WDFY4: variants seen among roughly 807,000 people sequenced by gnomAD.
WDFY4 encodes the protein WDFY family member 4, also known as WD repeat- and FYVE domain-containing protein 4.
A neutral mutation model predicts 351.9 loss-of-function variants in WDFY4; 169 were observed. The observed-to-expected ratio is 0.48, with a 90% confidence interval of 0.42 to 0.55. WDFY4 has a LOEUF of 0.55. Ranked by LOEUF, WDFY4 falls within the 20% of genes least tolerant of loss-of-function variation. The pLI is 0.00. For synonymous variants in WDFY4, 1,622 were observed against 1,574.6 expected (o/e 1.03, Z -0.71); for missense variants, 3,803 against 3,935.6 (o/e 0.97, Z 0.90).
At chr10:48,776,447 A>G (rs1046457483) in intron 15 of WDFY4, among the ~76,000 whole-genome samples, 1 of 152,140 alleles carries the variant, frequency 6.6e-6, no homozygotes, top group East Asian at 1.9e-4. Context: ...AGTAACTCCA[A>G]TGGGGCAAGC....
At chr10:48,951,440 G>C (rs910608464) in intron 51 of WDFY4, among the ~76,000 whole-genome samples, 11 of 152,024 alleles carry the variant, frequency 7.2e-5, no homozygotes, top group Non-Finnish European at 1.6e-4. Flanking sequence ...TTTGAGACAT[G>C]GTCTTGCTCT....
chr10:48,817,392 C>T lies in WDFY4; in HGVS notation c.5488C>T (p.Pro1830Ser). ...FLQTLAIAAF[P>S]LGAQKGVGAE... ...CCAGACCTTGGCCATAGCCGCCTTCCCCCTGGGAGCCCAAAAGGTAGGACA... is the reference window on the plus strand; with the variant it reads ...CCAGACCTTGGCCATAGCCGCCTTCTCCCTGGGAGCCCAAAAGGTAGGACA... Residue 1830 changes from proline to serine, a missense_variant, in exon 32 of 62, where the codon CCC (proline) becomes TCC (serine). Physicochemically the swap from Pro to Ser is moderately conservative, Grantham distance 74. This residue lies in a region of WDFY4 where 3,054 missense variants were observed against 3,148.6 expected (regional missense o/e 0.97). Transcript: ENST00000325239. The T allele has an allele frequency of 6.4e-7, 1 of 1,550,622 alleles. No homozygotes were observed. Among genetic ancestry groups the T allele is most frequent in the South Asian group, 1.2e-5 (1 of 84,006 alleles).
At chr10:48,903,080 A>G (rs998045886) in intron 47 of WDFY4, among the ~76,000 whole-genome samples, 11 of 152,214 alleles carry the variant, frequency 7.2e-5, no homozygotes, top group African/African-American at 2.7e-4. Flanking sequence ...ACTGCACTCC[A>G]GCCTGGGCGA....
chr10:48,962,367 T>TAGGG (rs1378535068), intron 53 of WDFY4, among the ~76,000 whole-genome samples: 1 of 152,174 alleles, frequency 6.6e-6, no homozygotes, highest in Non-Finnish European at 1.5e-5. Flanking sequence ...TCCAGGTGTG[T>TAGGG]AGGGCAGCTT....
chr10:48,721,460 T>C lies in WDFY4; in HGVS notation c.456+93T>C, dbSNP rs2064086218. The C allele has an allele frequency of 4.5e-6, 5 of 1,102,560 alleles. No individual in the cohort carries two copies. In the Admixed American group the frequency reaches 1.0e-4, roughly 23 times the overall value. 68.3% of individuals were successfully genotyped at this position (1,102,560 alleles called of 1,614,324 possible). ...AGGGTGGTGGCATATCCCAAGAGGG[T>C]CATTCGTTTCATAAAACAGGTTTAT... is the stretch of plus-strand genomic sequence containing the variant. On this transcript the variant is annotated intron_variant, in intron 4 of 61. Coordinates refer to ENST00000325239, the MANE Select transcript of WDFY4 (RefSeq NM_001394531.1).
chr10:48,729,411 T>C, intron 7 of WDFY4, 21 bp from the exon 8 acceptor site: 1 of 1,549,910 alleles, frequency 6.5e-7, no homozygotes, highest in Non-Finnish European at 8.7e-7. Context: ...TACAGGGAGC[T>C]GGCCTCATCT....
intron 19 of WDFY4, 89 bp downstream of exon 19, chr10:48,780,208 G>A (rs1354663431): frequency 6.9e-7 from 1 of 1,451,656 alleles, no homozygotes; most frequent in African/African-American, 1.4e-5. Context: ...CTATGTTTTT[G>A]TTGTTGTTTG....
chr10:48,733,078 G>A (rs757437580), intron 9 of WDFY4, among the ~76,000 whole-genome samples: 9 of 152,208 alleles, frequency 5.9e-5, no homozygotes, highest in Non-Finnish European at 1.3e-4. Context: ...TCTTTGCACC[G>A]TCTCTTTGTT....
In WDFY4 at chr10:48,969,260, G is replaced by T. The variant is rs1564538183; in HGVS notation, c.8769+12G>T. 6.4e-7 allele frequency: 1 copy of T among 1,550,494 alleles called. No individual in the cohort carries two copies. Among genetic ancestry groups the T allele is most frequent in the East Asian group, 2.4e-5 (1 of 40,906 alleles). On this transcript the variant is annotated intron_variant, in intron 56 of 61. Transcript: ENST00000325239. ...ACGGCTCCGACAAGGTGAGGGGGCT[G>T]CAGGGAGCAGGGGCAGCCTCAGGAC...
At chr10:48,734,482 C>T (rs1192949245) in intron 10 of WDFY4, among the ~76,000 whole-genome samples, 1 of 150,656 alleles carries the variant, frequency 6.6e-6, no homozygotes, top group Non-Finnish European at 1.5e-5. Context: ...CTTTTAGCGT[C>T]CTAAGATCAT....
intron 51 of WDFY4, among the ~76,000 whole-genome samples, chr10:48,955,310 T>C (rs12413832): frequency 0.47 from 70,989 of 152,114 alleles, 17,098 homozygotes; most frequent in Non-Finnish European, 0.54. Flanking sequence ...ATGTGCTGTG[T>C]TTGCTTGAGT....
At chr10:48,825,538 G>A (rs754360474) in intron 35 of WDFY4, among the ~76,000 whole-genome samples, 2 of 152,172 alleles carry the variant, frequency 1.3e-5, no homozygotes, top group Non-Finnish European at 2.9e-5. Context: ...TCACCACATC[G>A]TCTTCCATGA....
Position 48,790,929 on chromosome 10 carries a change from C to T in WDFY4, c.4257+12C>T. 1 of 1,551,380 alleles carries T rather than the reference C, an allele frequency of 6.4e-7. No homozygotes were observed. The highest frequency in any genetic ancestry group is 1.2e-5 in the South Asian group (1 of 84,038). ...TCTGTGGGTACCAGGTAATCCCATC[C>T]TCCCACCTGGAACTGAGACTCCTGA... On this transcript the variant is annotated intron_variant, in intron 23 of 61. Coordinates refer to ENST00000325239, the MANE Select transcript of WDFY4 (RefSeq NM_001394531.1).
At chr10:48,695,292 G>T (rs1414407611) in intron 1 of WDFY4, among the ~76,000 whole-genome samples, 1 of 152,210 alleles carries the variant, frequency 6.6e-6, no homozygotes, top group African/African-American at 2.4e-5. Context: ...CAGACAGCAG[G>T]TCTGGCTTGG....
At chr10:48,727,244 G>A (rs1314293219) in intron 6 of WDFY4, among the ~76,000 whole-genome samples, 3 of 152,216 alleles carry the variant, frequency 2.0e-5, no homozygotes, top group African/African-American at 7.2e-5. Flanking sequence ...GGGCTGAGGG[G>A]CTGCCTTCCT....
At chr10:48,732,340 T>C (rs1420409513) in intron 9 of WDFY4, among the ~76,000 whole-genome samples, 1 of 152,172 alleles carries the variant, frequency 6.6e-6, no homozygotes, top group Non-Finnish European at 1.5e-5. Flanking sequence ...TCAGTCTGTC[T>C]ACACCTGCTG....
intron 39 of WDFY4, among the ~76,000 whole-genome samples, chr10:48,846,959 T>C (rs1393302400): frequency 1.3e-5 from 2 of 152,246 alleles, no homozygotes; most frequent in African/African-American, 4.8e-5. Context: ...GATCTGTCTT[T>C]GAAATCTGTC....
In WDFY4 at chr10:48,760,374, G is replaced by T; in HGVS notation, c.2487G>T (p.Met829Ile). 4 of 1,551,664 alleles carry T rather than the reference G, an allele frequency of 2.6e-6. No homozygotes were observed. Among genetic ancestry groups the T allele is most frequent in the Non-Finnish European group, 3.5e-6 (4 of 1,146,984 alleles). ...ERMDEGDAAI[M>I]HPGVVCIMVR... ...TGGATGAGGGAGATGCTGCAATCAT[G>T]CATCCCGGGGTCGTGTGCATCATGG... The change falls in exon 13 of 62, where the codon ATG (methionine) becomes ATT (isoleucine). Residue 829 changes from methionine (M) to isoleucine (I), a missense_variant. Coordinates refer to ENST00000325239, the MANE Select transcript of WDFY4 (RefSeq NM_001394531.1).
chr10:48,951,431 T>A (rs371148723), intron 51 of WDFY4, among the ~76,000 whole-genome samples: 1 of 152,130 alleles, frequency 6.6e-6, no homozygotes, highest in East Asian at 1.9e-4. Context: ...CATTTGTTTT[T>A]TGAGACATGG....
Sources: gnomAD v4.1 joint callset for allele counts (sites outside exome capture counted in the v4.1 genomes callset) on GRCh38, gnomAD v4.1.1 for gene constraint, gnomAD v4.1.1 regional missense constraint, MANE v1.5 for transcripts, NCBI Gene and HGNC (gene_info 2026-07-23, HGNC 2026-07-21) for gene names.